Variants in LHFPL3 observed in about 807,000 individuals in gnomAD.
LHFPL3 encodes LHFPL tetraspan subfamily member 3, also known as LHFPL tetraspan subfamily member 3 protein.
In LHFPL3, 5 loss-of-function variants were observed where a neutral mutation model predicts 19.3. The observed-to-expected ratio is 0.26, with a 90% confidence interval of 0.14 to 0.54. The LOEUF is 0.54. Ranked by LOEUF, LHFPL3 falls within the 20% of genes least tolerant of loss-of-function variation. LHFPL3 has a pLI of 0.94. For missense variants in LHFPL3, 249 were observed against 307.4 expected (o/e 0.81, Z 1.42); for synonymous variants, 133 against 126.2 (o/e 1.05, Z -0.36).
chr7:104,681,154 CT>C (rs35342944), intron 1 of LHFPL3, among the ~76,000 whole-genome samples: 50,389 of 132,288 alleles, frequency 0.38, 8,231 homozygotes, highest in South Asian at 0.53. Flanking sequence ...TTCTTTTCTT[CT>C]TTTTTTTTTT....
intron 1 of LHFPL3, among the ~76,000 whole-genome samples, chr7:104,611,482 A>G (rs1791212614): frequency 6.6e-6 from 1 of 152,224 alleles, no homozygotes; most frequent in African/African-American, 2.4e-5. Flanking sequence ...AACTAAAGAA[A>G]GGGTGTGTGT....
At chr7:104,583,682 A>T (rs1357068204) in intron 1 of LHFPL3, among the ~76,000 whole-genome samples, 1 of 152,234 alleles carries the variant, frequency 6.6e-6, no homozygotes, top group Non-Finnish European at 1.5e-5. Context: ...GAAGACATTT[A>T]TACAGCCAAA....
At chr7:104,545,731 A>G (rs962101734) in intron 1 of LHFPL3, among the ~76,000 whole-genome samples, 1 of 152,192 alleles carries the variant, frequency 6.6e-6, no homozygotes. Flanking sequence ...CAAACCACCA[A>G]TTCCTTTCTA....
At chr7:104,815,006 C>T (rs1790538111) in intron 2 of LHFPL3, among the ~76,000 whole-genome samples, 1 of 152,162 alleles carries the variant, frequency 6.6e-6, no homozygotes, top group Non-Finnish European at 1.5e-5. Context: ...CCTGGGCTCC[C>T]ACCTGCTCTA....
intron 1 of LHFPL3, among the ~76,000 whole-genome samples, chr7:104,693,963 C>T (rs911744700): frequency 6.6e-6 from 1 of 152,072 alleles, no homozygotes; most frequent in Non-Finnish European, 1.5e-5. Flanking sequence ...TACTCAGTCT[C>T]GGGTATTTCT....
At chr7:104,575,320 G>T (rs143079859) in intron 1 of LHFPL3, among the ~76,000 whole-genome samples, 3 of 151,764 alleles carry the variant, frequency 2.0e-5, no homozygotes, top group African/African-American at 7.3e-5. Flanking sequence ...TCTGTTCAAG[G>T]GTTTTCATTA....
intron 1 of LHFPL3, among the ~76,000 whole-genome samples, chr7:104,553,470 C>T (rs1014260727): frequency 1.3e-5 from 2 of 152,214 alleles, no homozygotes; most frequent in African/African-American, 2.4e-5. Context: ...ACTTGAACCA[C>T]TTGCCACCTT....
intron 1 of LHFPL3, among the ~76,000 whole-genome samples, chr7:104,619,487 AGTT>A (rs1439548540): frequency 6.6e-6 from 1 of 152,172 alleles, no homozygotes; most frequent in Non-Finnish European, 1.5e-5. Flanking sequence ...ATTCAATTAA[AGTT>A]CTTATTATGC....
chr7:104,486,972 A>G (rs1793249024), intron 1 of LHFPL3, among the ~76,000 whole-genome samples: 1 of 151,880 alleles, frequency 6.6e-6, no homozygotes, highest in Non-Finnish European at 1.5e-5. Context: ...TTATTTTCTC[A>G]TTAATATTTA....
At chr7:104,432,663 G>A (rs954554184) in intron 1 of LHFPL3, among the ~76,000 whole-genome samples, 9 of 152,062 alleles carry the variant, frequency 5.9e-5, no homozygotes, top group African/African-American at 2.2e-4. Context: ...TGCAAAATGC[G>A]TCACAACTAA....
At chr7:104,477,881 G>A (rs1030314256) in intron 1 of LHFPL3, among the ~76,000 whole-genome samples, 5 of 152,192 alleles carry the variant, frequency 3.3e-5, no homozygotes, top group Admixed American at 6.5e-5. Flanking sequence ...GCAGGAATTA[G>A]CCAGATGGGG....
At chr7:104,631,484 A>G (rs7797770) in intron 1 of LHFPL3, among the ~76,000 whole-genome samples, 141,921 of 152,176 alleles carry the variant, frequency 0.93, 66,976 homozygotes, top group East Asian at 1. Context: ...AGTAAAGGAT[A>G]GAGGAAGAAT....
At chr7:104,904,575 T>C (rs1193540898) in intron 2 of LHFPL3, among the ~76,000 whole-genome samples, 4 of 152,136 alleles carry the variant, frequency 2.6e-5, no homozygotes, top group African/African-American at 7.2e-5. Flanking sequence ...CGCTTGAACC[T>C]GGGAGGCAGA....
intron 2 of LHFPL3, among the ~76,000 whole-genome samples, chr7:104,812,579 CG>C: frequency 6.6e-6 from 1 of 151,746 alleles, no homozygotes; most frequent in Middle Eastern, 3.4e-3. Context: ...CTGGGCAGAT[CG>C]TTTGAGGTCA....
chr7:104,430,427 T>TATATATACAC (rs1562895248), intron 1 of LHFPL3, among the ~76,000 whole-genome samples: 1 of 12,038 alleles, frequency 8.3e-5, no homozygotes, highest in African/African-American at 2.6e-4. Flanking sequence ...TACATATATA[T>TATATATACAC]ATATATATAT....
chr7:104,715,117 C>G (rs1431286898), intron 1 of LHFPL3, among the ~76,000 whole-genome samples: 1 of 152,016 alleles, frequency 6.6e-6, no homozygotes, highest in East Asian at 1.9e-4. Context: ...GCCTGAGCAG[C>G]ATAGGGAGAC....
intron 1 of LHFPL3, among the ~76,000 whole-genome samples, chr7:104,468,786 G>A (rs1312757282): frequency 2.0e-5 from 3 of 151,580 alleles, no homozygotes; most frequent in African/African-American, 7.3e-5. Flanking sequence ...AGCCTCCCGA[G>A]TAGCTGGGAT....
chr7:104,695,127 T>A lies in LHFPL3; in HGVS notation c.446-41548T>A, dbSNP rs1792975374. On this transcript the variant is annotated intron_variant, in intron 1 of 2. Transcript: ENST00000424859. Reference sequence around the variant, plus strand: ...CCACAAGATTTCTTTCAATTAATTTTTTTTTTAAGACAGGTCTTGCTCTGT... The same window carrying A: ...CCACAAGATTTCTTTCAATTAATTTATTTTTTAAGACAGGTCTTGCTCTGT... Among the ~76,000 whole-genome samples, 3 of 109,368 alleles carry A rather than the reference T, an allele frequency of 2.7e-5. No individual in the cohort carries two copies. The South Asian group carries it at 7.4e-4, about 27-fold the overall frequency. 71.7% of individuals were successfully genotyped at this position (109,368 alleles called of 152,430 possible).
At chr7:104,667,922 C>A (rs1792388294) in intron 1 of LHFPL3, 5 of 1,613,110 alleles carry the variant, frequency 3.1e-6, no homozygotes, top group Middle Eastern at 3.7e-4. Context: ...GGCACAGTAA[C>A]GATGACGATG....
Sources: allele counts gnomAD v4.1 joint callset (sites outside exome capture counted in the v4.1 genomes callset), GRCh38; gene constraint gnomAD v4.1.1; transcripts MANE v1.5; gene names NCBI Gene and HGNC (gene_info 2026-07-23, HGNC 2026-07-21).